The following SLC39A11 variants were observed in gnomAD, a reference collection of about 807,000 sequenced individuals.
The protein encoded by SLC39A11 is solute carrier family 39 member 11, also known as zinc transporter ZIP11.
In SLC39A11, 33 loss-of-function variants were observed where a neutral mutation model predicts 36.1. That is an observed-to-expected ratio of 0.91 (90% CI 0.69 to 1.22). SLC39A11 has a LOEUF of 1.22. SLC39A11 is among the 50% of genes most tolerant of loss of function. The probability of loss-of-function intolerance (pLI) is 0.00; values close to 1 mark genes in which losing one functional copy is unlikely to be tolerated. For missense variants in SLC39A11, 432 were observed against 430.3 expected (o/e 1.00, Z -0.03); for synonymous variants, 166 against 170.3 (o/e 0.97, Z 0.20).
intron 4 of SLC39A11, among the ~76,000 whole-genome samples, chr17:72,965,589 G>C (rs896548370): frequency 6.6e-6 from 1 of 152,140 alleles, no homozygotes; most frequent in African/African-American, 2.4e-5. Flanking sequence ...AAGGTAGCTG[G>C]GCTAAGCTAT....
intron 5 of SLC39A11, among the ~76,000 whole-genome samples, chr17:72,850,495 G>A (rs146922558): frequency 2.2e-3 from 340 of 151,948 alleles, no homozygotes; most frequent in African/African-American, 7.5e-3. Flanking sequence ...CAGGCATTCA[G>A]TGCCCAATGC....
At position 72,965,112 on chromosome 17, in the gene SLC39A11, G is replaced by A. The variant is rs551009608; in HGVS notation, c.307-17237C>T. Among the ~76,000 whole-genome samples the A allele has an allele frequency of 4.6e-5, 7 of 152,224 alleles. No homozygotes were observed. In the South Asian group the frequency reaches 1.2e-3, roughly 27 times the overall value. ...GGGGCCTGTTGTGAGGTGGGGGAAGGGGGGAGGGAAAGCATTAGGAGATAT... is the reference window on the plus strand; with the variant it reads ...GGGGCCTGTTGTGAGGTGGGGGAAGAGGGGAGGGAAAGCATTAGGAGATAT... On this transcript the variant is annotated intron_variant, in intron 4 of 9. Transcript: ENST00000255559.
At chr17:72,818,809 G>T (rs2077668853) in intron 6 of SLC39A11, 1 of 152,008 alleles carries the variant, frequency 6.6e-6, no homozygotes. Context: ...GATTATATTT[G>T]GCTTATAATC....
intron 5 of SLC39A11, among the ~76,000 whole-genome samples, chr17:72,871,061 T>TG (rs961235868): frequency 3.6e-4 from 54 of 151,152 alleles, no homozygotes; most frequent in African/African-American, 1.2e-3. Flanking sequence ...TTTTTGTTTT[T>TG]TTTTTTTTTT....
At chr17:72,762,442 G>A (rs1264144929) in intron 6 of SLC39A11, among the ~76,000 whole-genome samples, 1 of 152,176 alleles carries the variant, frequency 6.6e-6, no homozygotes, top group Non-Finnish European at 1.5e-5. Flanking sequence ...CTAAAAAGCA[G>A]AGGAACCCTC....
intron 7 of SLC39A11, among the ~76,000 whole-genome samples, chr17:72,708,738 G>C (rs2072993611): frequency 6.6e-6 from 1 of 152,150 alleles, no homozygotes; most frequent in Admixed American, 6.5e-5. Context: ...CCCAACCCAT[G>C]ACTGAGCATC....
At chr17:73,065,550 T>C (rs1034323710) in intron 3 of SLC39A11, among the ~76,000 whole-genome samples, 4 of 151,972 alleles carry the variant, frequency 2.6e-5, no homozygotes, top group African/African-American at 9.7e-5. Context: ...TCTCAGGAGG[T>C]CAGGAATCCT....
At chr17:73,088,247 T>C (rs1326983987) in intron 2 of SLC39A11, among the ~76,000 whole-genome samples, 1 of 145,822 alleles carries the variant, frequency 6.9e-6, no homozygotes, top group Non-Finnish European at 1.5e-5. Flanking sequence ...AGAGCTGAGA[T>C]CCTGCCACTG....
intron 7 of SLC39A11, among the ~76,000 whole-genome samples, chr17:72,676,555 A>G (rs1490494408): frequency 6.6e-6 from 1 of 152,192 alleles, no homozygotes; most frequent in Non-Finnish European, 1.5e-5. Flanking sequence ...ATGCAGAAAG[A>G]GTAAACATAG....
At chr17:72,872,805 C>T (rs1384611694) in intron 5 of SLC39A11, among the ~76,000 whole-genome samples, 1 of 151,980 alleles carries the variant, frequency 6.6e-6, no homozygotes, top group Non-Finnish European at 1.5e-5. Context: ...GCCTGTAATC[C>T]CAGCACTTTG....
intron 6 of SLC39A11, among the ~76,000 whole-genome samples, chr17:72,743,061 G>A (rs955247279): frequency 6.6e-6 from 1 of 152,150 alleles, no homozygotes; most frequent in African/African-American, 2.4e-5. Flanking sequence ...CAAAACAATC[G>A]CTTGGAGTAG....
intron 3 of SLC39A11, among the ~76,000 whole-genome samples, chr17:73,040,467 T>C (rs1428908671): frequency 1.3e-5 from 2 of 152,184 alleles, no homozygotes; most frequent in African/African-American, 2.4e-5. Flanking sequence ...AAGAAGGACA[T>C]TGGTGGGGAA....
chr17:72,748,552 G>C (rs1021338037), intron 6 of SLC39A11, among the ~76,000 whole-genome samples: 1 of 152,172 alleles, frequency 6.6e-6, no homozygotes, highest in Non-Finnish European at 1.5e-5. Context: ...ACTTAGAGTT[G>C]AGCCTGACTC....
chr17:72,957,001 G>C (rs951260503), intron 4 of SLC39A11, among the ~76,000 whole-genome samples: 5 of 152,046 alleles, frequency 3.3e-5, no homozygotes, highest in Non-Finnish European at 5.9e-5. Context: ...GATGGTCTAA[G>C]ATGGCACATG....
At chr17:72,653,851 T>C (rs12952458) in intron 7 of SLC39A11, among the ~76,000 whole-genome samples, 55,439 of 151,900 alleles carry the variant, frequency 0.36, 11,385 homozygotes, top group African/African-American at 0.55. Flanking sequence ...TGAGAAGTGC[T>C]TCTAGGAGGT....
chr17:72,845,835 T>TA (rs2079021715), intron 6 of SLC39A11, among the ~76,000 whole-genome samples: 1 of 152,202 alleles, frequency 6.6e-6, no homozygotes, highest in Non-Finnish European at 1.5e-5. Flanking sequence ...CAGTGACTAT[T>TA]ACCACCATGC....
chr17:72,824,845 T>C (rs1438277927), intron 6 of SLC39A11, among the ~76,000 whole-genome samples: 5 of 151,306 alleles, frequency 3.3e-5, no homozygotes, highest in African/African-American at 9.7e-5. Flanking sequence ...GCATTAAAGA[T>C]GTGGCCTGGC....
chr17:72,865,177 T>C (rs1385182227), intron 5 of SLC39A11, among the ~76,000 whole-genome samples: 1 of 152,082 alleles, frequency 6.6e-6, no homozygotes, highest in African/African-American at 2.4e-5. Flanking sequence ...AGAGGTTGCC[T>C]TGGGGTGAAT....
At chr17:72,888,944 G>A (rs563205405) in intron 5 of SLC39A11, among the ~76,000 whole-genome samples, 1 of 152,178 alleles carries the variant, frequency 6.6e-6, no homozygotes, top group South Asian at 2.1e-4. Context: ...GTGTAGACAG[G>A]AGTAACTAGA....
Sources: gnomAD v4.1 joint callset for allele counts (sites outside exome capture counted in the v4.1 genomes callset) on GRCh38, gnomAD v4.1.1 for gene constraint, MANE v1.5 for transcripts, NCBI Gene and HGNC (gene_info 2026-07-23, HGNC 2026-07-21) for gene names.